NRG1: variants seen among roughly 807,000 people sequenced by gnomAD.
NRG1 encodes neuregulin 1.
A neutral mutation model predicts 63.8 loss-of-function variants in NRG1; 18 were observed. The ratio of observed to expected loss-of-function variants is 0.28; its 90% CI spans 0.19 to 0.42. NRG1 has a LOEUF of 0.42. NRG1 is among the 10% of genes least tolerant of loss of function. NRG1 has a pLI of 1.00. For synonymous variants in NRG1, 302 were observed against 301.3 expected (o/e 1.00, Z -0.02); for missense variants, 762 against 814.7 (o/e 0.94, Z 0.79).
intron 1 of NRG1, among the ~76,000 whole-genome samples, chr8:32,569,786 A>G (rs1838158939): frequency 6.6e-6 from 1 of 152,050 alleles, no homozygotes; most frequent in Non-Finnish European, 1.5e-5. Context: ...ATACACAAGT[A>G]AAACATTTAC....
chr8:32,006,743 A>G (rs1813840925), intron 1 of NRG1, among the ~76,000 whole-genome samples: 1 of 152,002 alleles, frequency 6.6e-6, no homozygotes, highest in Admixed American at 6.6e-5. Flanking sequence ...GATTCTGCCA[A>G]CAACCTGAAT....
chr8:31,873,636 AG>A (rs1384711623), intron 1 of NRG1, among the ~76,000 whole-genome samples: 4 of 152,220 alleles, frequency 2.6e-5, no homozygotes, highest in African/African-American at 9.6e-5. Flanking sequence ...GAGAAGAACA[AG>A]AATGCTGACA....
intron 1 of NRG1, among the ~76,000 whole-genome samples, chr8:32,465,605 CTTTCTGGCAAT>C (rs1207763828): frequency 3.3e-5 from 5 of 152,168 alleles, no homozygotes; most frequent in Non-Finnish European, 7.3e-5. Context: ...CACCAGCGAG[CTTTCTGGCAAT>C]ATGTATTAAA....
chr8:32,551,770 G>T (rs980522811), intron 1 of NRG1, among the ~76,000 whole-genome samples: 1 of 152,022 alleles, frequency 6.6e-6, no homozygotes, highest in Non-Finnish European at 1.5e-5. Context: ...ATAGTCTTGG[G>T]TGCTGTATCA....
At chr8:32,454,916 AT>A (rs771647747) in intron 1 of NRG1, among the ~76,000 whole-genome samples, 4 of 151,904 alleles carry the variant, frequency 2.6e-5, no homozygotes, top group Non-Finnish European at 5.9e-5. Context: ...TTTATTCTGT[AT>A]TTTTCTATGT....
At position 31,881,157 on chromosome 8, in the gene NRG1, G is replaced by GT. The variant is rs939992406; in HGVS notation, c.37+241732dup. On this transcript the variant is annotated intron_variant, in intron 1 of 10. Coordinates refer to the NRG1 transcript ENST00000519301. Reference sequence around the variant, plus strand: ...CTTTATCATGCTTTGCAGATATTGTGTTTTTTACAAATTGAAGATTTTTGA... The same window carrying GT: ...CTTTATCATGCTTTGCAGATATTGTGTTTTTTTACAAATTGAAGATTTTTGA... Among the ~76,000 whole-genome samples, 76 of 152,194 alleles carry GT rather than the reference G, an allele frequency of 5.0e-4. 1 individual carries two copies. Among genetic ancestry groups the GT allele is most frequent in the African/African-American group, 1.6e-3 (66 of 41,522 alleles).
chr8:32,689,297 C>CAA (rs554538711), intron 5 of NRG1, among the ~76,000 whole-genome samples: 4 of 119,088 alleles, frequency 3.4e-5, no homozygotes, highest in African/African-American at 9.3e-5. Context: ...TAAGAGAAAT[C>CAA]AAAAAAAAAA....
At chr8:32,231,584 T>C (rs1189000010) in intron 1 of NRG1, among the ~76,000 whole-genome samples, 1 of 152,152 alleles carries the variant, frequency 6.6e-6, no homozygotes, top group South Asian at 2.1e-4. Flanking sequence ...AATTTTTTGT[T>C]TGTAATATGG....
chr8:31,745,990 C>A (rs1815813827), intron 1 of NRG1, among the ~76,000 whole-genome samples: 1 of 151,894 alleles, frequency 6.6e-6, no homozygotes, highest in Non-Finnish European at 1.5e-5. Context: ...TTTGTGCTGC[C>A]TCTCTTGACG....
intron 1 of NRG1, among the ~76,000 whole-genome samples, chr8:32,506,497 C>T (rs1045982543): frequency 8.5e-5 from 13 of 152,144 alleles, no homozygotes; most frequent in African/African-American, 2.9e-4. Flanking sequence ...TGACAAACAA[C>T]ACAAAAGACA....
At chr8:31,685,444 C>T (rs1808786847) in intron 1 of NRG1, among the ~76,000 whole-genome samples, 2 of 152,130 alleles carry the variant, frequency 1.3e-5, no homozygotes, top group South Asian at 2.1e-4. Context: ...AAAGTTTTCA[C>T]ATTATAAATA....
At chr8:32,200,195 C>T (rs1416974098) in intron 1 of NRG1, among the ~76,000 whole-genome samples, 2 of 152,168 alleles carry the variant, frequency 1.3e-5, no homozygotes, top group African/African-American at 4.8e-5. Context: ...ATGAGTTTGA[C>T]ATTGGTTCTT....
At chr8:31,642,137 C>A (rs1803853952) in intron 1 of NRG1, among the ~76,000 whole-genome samples, 1 of 152,164 alleles carries the variant, frequency 6.6e-6, no homozygotes, top group Non-Finnish European at 1.5e-5. Flanking sequence ...TGATAGATGT[C>A]ACTCCAAAGC....
intron 1 of NRG1, among the ~76,000 whole-genome samples, chr8:31,930,094 G>T (rs1333217636): frequency 1.3e-5 from 2 of 152,120 alleles, no homozygotes; most frequent in Non-Finnish European, 2.9e-5. Flanking sequence ...TCAAGTGGAG[G>T]TTCCTGGCCT....
intron 1 of NRG1, among the ~76,000 whole-genome samples, chr8:32,467,379 C>A (rs1287018807): frequency 6.6e-6 from 1 of 152,122 alleles, no homozygotes; most frequent in East Asian, 1.9e-4. Flanking sequence ...GTGCTGTAGA[C>A]CAGGACCACT....
At chr8:32,414,924 G>A (rs1277421015) in intron 1 of NRG1, among the ~76,000 whole-genome samples, 2 of 152,106 alleles carry the variant, frequency 1.3e-5, no homozygotes, top group Non-Finnish European at 1.5e-5. Flanking sequence ...CCTGGGCTTA[G>A]TAGTGTACAG....
At chr8:32,128,981 C>T (rs1030023188) in intron 1 of NRG1, among the ~76,000 whole-genome samples, 2 of 151,920 alleles carry the variant, frequency 1.3e-5, no homozygotes, top group Non-Finnish European at 2.9e-5. Context: ...CAAATTTCAG[C>T]ACAAAGTCAC....
intron 7 of NRG1, among the ~76,000 whole-genome samples, chr8:32,774,013 A>C (rs1183112925): frequency 6.6e-6 from 1 of 152,226 alleles, no homozygotes; most frequent in African/African-American, 2.4e-5. Context: ...AATTGACTAC[A>C]TTTTTAACTA....
At chr8:32,184,304 A>G (rs1374125616) in intron 1 of NRG1, among the ~76,000 whole-genome samples, 1 of 152,094 alleles carries the variant, frequency 6.6e-6, no homozygotes, top group East Asian at 1.9e-4. Flanking sequence ...TTTACTTATA[A>G]CTCCTTGAAA....
Sources: gnomAD v4.1 joint callset for allele counts (sites outside exome capture counted in the v4.1 genomes callset) on GRCh38, gnomAD v4.1.1 for gene constraint, MANE v1.5 for transcripts, NCBI Gene and HGNC (gene_info 2026-07-23, HGNC 2026-07-21) for gene names.